Variants in VPS13D observed in about 807,000 individuals in gnomAD.
VPS13D encodes intermembrane lipid transfer protein VPS13D.
A neutral mutation model predicts 461.9 loss-of-function variants in VPS13D; 187 were observed. The ratio of observed to expected loss-of-function variants is 0.40; its 90% CI spans 0.36 to 0.46. The LOEUF (loss-of-function observed/expected upper bound fraction) is 0.46, where lower values mean the gene tolerates loss of function less well. Among genes scored for constraint, VPS13D ranks in the 20% least tolerant of loss-of-function variants. The pLI, the probability that VPS13D is intolerant of heterozygous loss-of-function variation, is 0.60. For missense variants in VPS13D, 4,711 were observed against 5,364.9 expected (o/e 0.88, Z 3.81); for synonymous variants, 1,951 against 1,986.3 (o/e 0.98, Z 0.47).
intron 10 of VPS13D, 34 bp downstream of exon 10, chr1:12,258,137 A>C (rs1175228682): frequency 2.5e-6 from 4 of 1,607,136 alleles, no homozygotes; most frequent in Non-Finnish European, 3.4e-6. Flanking sequence ...TTCTTGTCTT[A>C]TTCAGAAGAT....
chr1:12,361,396 TTTATTTA>T lies in VPS13D; in HGVS notation c.10142-1321_10142-1315del, dbSNP rs1557732607. Reference sequence around the variant, plus strand: ...TTTTATTTATTTATTTATTTATTTATTTATTTATTTTTTTTTTGAGACGGAGTCTCGC... The same window carrying T: ...TTTTATTTATTTATTTATTTATTTATTTTTTTTTTTGAGACGGAGTCTCGC... On this transcript the variant is annotated intron_variant, in intron 50 of 69. Coordinates refer to ENST00000620676, the MANE Select transcript of VPS13D (RefSeq NM_015378.4). Among the ~76,000 whole-genome samples, 46 of 131,400 alleles carry T rather than the reference TTTATTTA, an allele frequency of 3.5e-4. 1 individual carries two copies. The South Asian group carries it at 7.5e-3, about 21-fold the overall frequency. 86.2% of individuals were successfully genotyped at this position (131,400 alleles called of 152,430 possible). A position where few individuals can be genotyped will look rare whatever the true frequency, so the allele number is the denominator to read the frequency against.
At chr1:12,238,695 G>GA (rs1172367337) in intron 2 of VPS13D, among the ~76,000 whole-genome samples, 1 of 151,298 alleles carries the variant, frequency 6.6e-6, no homozygotes, top group Non-Finnish European at 1.5e-5. Flanking sequence ...GCAGTAGTAG[G>GA]ATCATAGCTC....
At chr1:12,414,977 C>G in intron 63 of VPS13D, 110 bp from the exon 64 acceptor site, 4 of 1,295,596 alleles carry the variant, frequency 3.1e-6, no homozygotes, top group Non-Finnish European at 4.2e-6. Context: ...AAAACCTGAC[C>G]CTCATTCGAA....
In VPS13D at chr1:12,277,833, T is replaced by A; in HGVS notation, c.4245T>A (p.Asp1415Glu). 6.2e-7 allele frequency: 1 copy of A among 1,614,022 alleles called. No homozygotes were observed. Among genetic ancestry groups the A allele is most frequent in the South Asian group, 1.1e-5 (1 of 91,068 alleles). Residue 1415 changes from aspartate (D) to glutamate (E), a missense_variant, in exon 19 of 70, where the codon GAT (aspartate) becomes GAA (glutamate). Transcript: ENST00000620676. ...IFIQNFVAGDDESRSDRLQVE... is the reference protein window; with the variant it reads ...IFIQNFVAGDEESRSDRLQVE... Reference sequence around the variant, plus strand: ...TCCAGAATTTTGTGGCGGGAGATGATGAATCCAGAAGTGACCGTCTGCAGG... The same window carrying A: ...TCCAGAATTTTGTGGCGGGAGATGAAGAATCCAGAAGTGACCGTCTGCAGG...
rs761366050 is a variant in VPS13D at position 12,311,576 on chromosome 1, C to A, written c.6773C>A (p.Pro2258His). Reference protein sequence around the residue: ...RGLLENNLGEPIEEFMRPYDL... With the variant: ...RGLLENNLGEHIEEFMRPYDL... ...TTATTAGAGAACAACCTGGGAGAAC[C>A]CATAGAGGAATTTATGCGGCCTTAT... Residue 2258 changes from proline (P) to histidine (H), a missense_variant, in exon 28 of 70, where the codon CCC becomes CAC. This residue lies in a region of VPS13D where 4,411 missense variants were observed against 4,937.8 expected (regional missense o/e 0.89). Transcript: ENST00000620676. 9 of 1,613,994 alleles carry A rather than the reference C, an allele frequency of 5.6e-6. No individual in the cohort carries two copies. Among genetic ancestry groups the A allele is most frequent in the Non-Finnish European group, 7.6e-6 (9 of 1,180,022 alleles).
chr1:12,241,353 A>G (rs1451381388), intron 2 of VPS13D, among the ~76,000 whole-genome samples: 4 of 152,224 alleles, frequency 2.6e-5, no homozygotes, highest in Non-Finnish European at 4.4e-5. Context: ...GCTCTCTTGC[A>G]TTTCTTACTA....
rs1641121151 is a variant in VPS13D, at chr1:12,261,929, A to AT, written c.1443_1444insT (p.Asp482Ter). ...CTGAGGAGTTTTTTGACCCCACTGCAGATGCCTCGTGTATGAACACGTATA... is the reference window on the plus strand; with the variant it reads ...CTGAGGAGTTTTTTGACCCCACTGCATGATGCCTCGTGTATGAACACGTATA... On this transcript the variant is annotated frameshift_variant, in exon 13 of 70. Coordinates refer to ENST00000620676, the MANE Select transcript of VPS13D (RefSeq NM_015378.4). LOFTEE classifies it high-confidence loss of function. The AT allele has an allele frequency of 6.2e-7, 1 of 1,613,268 alleles. No homozygotes were observed. The highest frequency in any genetic ancestry group is 8.5e-7 in the Non-Finnish European group (1 of 1,179,476).
intron 67 of VPS13D, among the ~76,000 whole-genome samples, chr1:12,468,833 G>C (rs753661882): frequency 6.6e-6 from 1 of 152,158 alleles, no homozygotes; most frequent in Non-Finnish European, 1.5e-5. Context: ...ACAAGCTCGA[G>C]ACCAGCCTGG....
intron 13 of VPS13D, among the ~76,000 whole-genome samples, chr1:12,262,761 T>A (rs1420674412): frequency 5.9e-5 from 9 of 151,794 alleles, no homozygotes; most frequent in African/African-American, 2.2e-4. Context: ...TGCAGTGCAG[T>A]GGCATGATCT....
intron 65 of VPS13D, among the ~76,000 whole-genome samples, chr1:12,454,662 T>A (rs1317202850): frequency 6.6e-6 from 1 of 152,134 alleles, no homozygotes; most frequent in Non-Finnish European, 1.5e-5. Flanking sequence ...ATGACTGAGG[T>A]TTCCAGGGCA....
At chr1:12,352,057 A>G (rs573785394) in intron 46 of VPS13D, among the ~76,000 whole-genome samples, 8 of 151,990 alleles carry the variant, frequency 5.3e-5, no homozygotes, top group African/African-American at 1.9e-4. Context: ...TGGGAGGCCA[A>G]GGTGGGCAGC....
chr1:12,410,739 A>G (rs1394860461), intron 63 of VPS13D, among the ~76,000 whole-genome samples: 1 of 152,238 alleles, frequency 6.6e-6, no homozygotes, highest in Non-Finnish European at 1.5e-5. Context: ...ACAAAATATT[A>G]GTAAATCAAA....
intron 48 of VPS13D, 36 bp from the exon 49 acceptor site, chr1:12,356,358 CTGGG>C (rs1412753875): frequency 6.3e-7 from 1 of 1,588,828 alleles, no homozygotes; most frequent in East Asian, 2.2e-5. Flanking sequence ...TTCAGATAGA[CTGGG>C]TGGTATTGAT....
chr1:12,335,910 A>C, intron 39 of VPS13D, 83 bp downstream of exon 39: 1 of 1,589,018 alleles, frequency 6.3e-7, no homozygotes, highest in Non-Finnish European at 8.6e-7. Context: ...AAATGGAACC[A>C]TCATTCTGCG....
At chr1:12,508,381 G>T (rs1185336742) in intron 69 of VPS13D, among the ~76,000 whole-genome samples, 1 of 152,078 alleles carries the variant, frequency 6.6e-6, no homozygotes, top group Non-Finnish European at 1.5e-5. Flanking sequence ...TGTCAGGTGA[G>T]TATGGGTTGG....
At chr1:12,236,939 G>T (rs1640167168) in intron 2 of VPS13D, among the ~76,000 whole-genome samples, 1 of 152,028 alleles carries the variant, frequency 6.6e-6, no homozygotes, top group Non-Finnish European at 1.5e-5. Flanking sequence ...GGGTCAGAGA[G>T]CTTAGAGCTG....
intron 62 of VPS13D, among the ~76,000 whole-genome samples, chr1:12,402,340 C>T (rs1251303581): frequency 6.6e-6 from 1 of 152,160 alleles, no homozygotes; most frequent in Non-Finnish European, 1.5e-5. Context: ...CCTTTCCTTC[C>T]GCTCTTAGAT....
chr1:12,431,916 A>G (rs923337690), intron 65 of VPS13D, among the ~76,000 whole-genome samples: 1 of 152,140 alleles, frequency 6.6e-6, no homozygotes, highest in African/African-American at 2.4e-5. Flanking sequence ...TTATAATTAG[A>G]TTTAGTGGGC....
At chr1:12,383,234 A>G in intron 58 of VPS13D, 79 bp downstream of exon 58, 4 of 1,398,684 alleles carry the variant, frequency 2.9e-6, no homozygotes, top group Non-Finnish European at 3.9e-6. Flanking sequence ...ACAAATACTT[A>G]TTGAACATGT....
Sources: gnomAD v4.1 joint callset for allele counts (sites outside exome capture counted in the v4.1 genomes callset) on GRCh38, gnomAD v4.1.1 for gene constraint, gnomAD v4.1.1 regional missense constraint, MANE v1.5 for transcripts, NCBI Gene and HGNC (gene_info 2026-07-23, HGNC 2026-07-21) for gene names.